ARHGEF9: variants seen among roughly 807,000 people sequenced by gnomAD.
ARHGEF9 encodes the protein rho guanine nucleotide exchange factor 9.
A neutral mutation model predicts 41.3 loss-of-function variants in ARHGEF9; 2 were observed. That is an observed-to-expected ratio of 0.05 (90% CI 0.02 to 0.15). The LOEUF (loss-of-function observed/expected upper bound fraction) is 0.15, where lower values mean the gene tolerates loss of function less well. Among genes scored for constraint, ARHGEF9 ranks in the 10% least tolerant of loss-of-function variants. The pLI, the probability that ARHGEF9 is intolerant of heterozygous loss-of-function variation, is 1.00. For missense variants in ARHGEF9, 225 were observed against 424.7 expected (o/e 0.53, Z 4.13); for synonymous variants, 160 against 154.4 (o/e 1.04, Z -0.27).
At chrX:63,762,729 C>T (rs1472860713) in intron 1 of ARHGEF9, among the ~76,000 whole-genome samples, 1 of 110,989 alleles carries the variant, frequency 9.0e-6, no homozygotes, top group Non-Finnish European at 1.9e-5. Flanking sequence ...CCACTTATAC[C>T]GGGACTTTTT....
chrX:63,758,126 A>G (rs1268684098), intron 1 of ARHGEF9, among the ~76,000 whole-genome samples: 1 of 99,986 alleles, frequency 1.0e-5, no homozygotes, highest in East Asian at 3.1e-4. Context: ...AGAGAATGGG[A>G]CTTTTTTTTT....
At chrX:63,745,963 T>C (rs782775377) in intron 1 of ARHGEF9, among the ~76,000 whole-genome samples, 1 of 112,246 alleles carries the variant, frequency 8.9e-6, no homozygotes, top group South Asian at 3.7e-4. Flanking sequence ...TCCTGTTTTA[T>C]ATAGAAGCTT....
At chrX:63,644,355 GA>G (rs782727544) in intron 8 of ARHGEF9, 5 of 153,147 alleles carry the variant, frequency 3.3e-5, no homozygotes, top group African/African-American at 9.3e-5. Flanking sequence ...ATGACATAGG[GA>G]AAAAATATTT....
At chrX:63,654,371 C>T (rs1321249614) in intron 8 of ARHGEF9, among the ~76,000 whole-genome samples, 5 of 111,315 alleles carry the variant, frequency 4.5e-5, no homozygotes, top group African/African-American at 1.6e-4. Context: ...CTCTAACAGC[C>T]TAGGCAAGGT....
chrX:63,745,453 C>T (rs1485527025), intron 1 of ARHGEF9, among the ~76,000 whole-genome samples: 1 of 111,271 alleles, frequency 9.0e-6, no homozygotes, highest in African/African-American at 3.3e-5. Flanking sequence ...TTCTCCCAGC[C>T]TCTCGTCAGC....
At chrX:63,670,630 C>A (rs2049894663) in intron 6 of ARHGEF9, among the ~76,000 whole-genome samples, 2 of 111,531 alleles carry the variant, frequency 1.8e-5, no homozygotes, top group Non-Finnish European at 3.8e-5. Context: ...GGCAAAGTGA[C>A]AGCTCAACCA....
intron 7 of ARHGEF9, among the ~76,000 whole-genome samples, chrX:63,662,126 G>A (rs2049262356): frequency 1.8e-5 from 2 of 111,621 alleles, no homozygotes; most frequent in South Asian, 7.5e-4. Flanking sequence ...CATTTTATAT[G>A]CATTGATTCC....
At chrX:63,737,195 T>A (rs1235910143) in intron 1 of ARHGEF9, 1 of 112,177 alleles carries the variant, frequency 8.9e-6, no homozygotes, top group Non-Finnish European at 1.9e-5. Flanking sequence ...CACGACCAGA[T>A]GATTTTTGCT....
At chrX:63,703,397 G>C (rs1321125751) in intron 3 of ARHGEF9, 2 of 112,137 alleles carry the variant, frequency 1.8e-5, no homozygotes, top group Non-Finnish European at 3.8e-5. Flanking sequence ...GCTAGTACCT[G>C]AGAGCTCTGG....
intron 1 of ARHGEF9, chrX:63,724,920 C>A: frequency 2.2e-6 from 1 of 445,410 alleles, no homozygotes; most frequent in Non-Finnish European, 3.9e-6. Context: ...CATGGAATGA[C>A]CCAGAATATG....
chrX:63,726,028 C>T (rs782225626), intron 1 of ARHGEF9, among the ~76,000 whole-genome samples: 4 of 112,285 alleles, frequency 3.6e-5, no homozygotes, highest in African/African-American at 1.3e-4. Context: ...ACAACACATA[C>T]GAACACATAT....
chrX:63,687,602 C>T (rs781965854), intron 4 of ARHGEF9, among the ~76,000 whole-genome samples: 3 of 110,646 alleles, frequency 2.7e-5, no homozygotes, highest in Non-Finnish European at 5.7e-5. Context: ...TCAGGAAACT[C>T]AGAAAATGCC....
chrX:63,677,463 A>G (rs1472713652), intron 5 of ARHGEF9, among the ~76,000 whole-genome samples: 1 of 111,826 alleles, frequency 8.9e-6, no homozygotes, highest in Admixed American at 9.5e-5. Context: ...ATCAGCCTTT[A>G]GTTGCCTTCA....
chrX:63,725,127 T>C (rs782647813), intron 1 of ARHGEF9, among the ~76,000 whole-genome samples: 6 of 110,676 alleles, frequency 5.4e-5, no homozygotes, highest in Non-Finnish European at 1.1e-4. Flanking sequence ...CCTCCCCCTT[T>C]CCTCCTCCTC....
In ARHGEF9 at chrX:63,638,138, G is replaced by A. The variant is rs782115429; in HGVS notation, c.1462C>T (p.Leu488=). Residue 488 remains leucine (L), a synonymous_variant, in exon 10 of 10, where the codon CTG becomes TTG. Transcript: ENST00000671741. The part of the protein sequence containing the change: ...PQDPLNHGQY[L]VPDGIAQSQV... ...GACTGAGCGATGCCGTCGGGGACCA[G>A]GTACTGGCCGTGGTTTAACGGGTCC... 1.7e-6 allele frequency: 2 copies of A among 1,205,092 alleles called. No homozygotes were observed. Among genetic ancestry groups the A allele is most frequent in the Non-Finnish European group, 2.2e-6 (2 of 892,232 alleles).
intron 1 of ARHGEF9, chrX:63,767,026 G>C (rs2147808862): frequency 1.2e-6 from 1 of 851,365 alleles, no homozygotes; most frequent in South Asian, 2.1e-5. Context: ...ACTGTCTCTG[G>C]TATTGAAGAG....
chrX:63,759,531 C>T (rs187734469), intron 1 of ARHGEF9, among the ~76,000 whole-genome samples: 2 of 111,950 alleles, frequency 1.8e-5, no homozygotes, highest in Non-Finnish European at 3.8e-5. Flanking sequence ...TCTTCCATCT[C>T]TTTGAGCCAG....
intron 1 of ARHGEF9, among the ~76,000 whole-genome samples, chrX:63,783,218 G>A (rs1262861369): frequency 9.0e-6 from 1 of 110,753 alleles, no homozygotes; most frequent in Non-Finnish European, 1.9e-5. Flanking sequence ...GTCTCACCCT[G>A]ACCCAGTTCC....
intron 5 of ARHGEF9, among the ~76,000 whole-genome samples, chrX:63,674,788 C>A (rs782504850): frequency 3.4e-4 from 38 of 111,412 alleles, no homozygotes; most frequent in Middle Eastern, 4.2e-3. Context: ...AAGAGACTTT[C>A]CCCCCTACCT....
Sources: allele counts gnomAD v4.1 joint callset (sites outside exome capture counted in the v4.1 genomes callset), GRCh38; gene constraint gnomAD v4.1.1; transcripts MANE v1.5; gene names NCBI Gene and HGNC (gene_info 2026-07-23, HGNC 2026-07-21).